Variants in IP6K2 observed in about 807,000 individuals in gnomAD.
IP6K2 encodes the protein inositol hexakisphosphate kinase 2.
Under a neutral mutation model 43.3 loss-of-function variants are expected in IP6K2, and 9 were observed. The ratio of observed to expected loss-of-function variants is 0.21; its 90% CI spans 0.13 to 0.36. The LOEUF is 0.36. Ranked by LOEUF, IP6K2 falls within the 10% of genes least tolerant of loss-of-function variation. IP6K2 has a pLI of 1.00. For synonymous variants in IP6K2, 209 were observed against 202.4 expected (o/e 1.03, Z -0.28); for missense variants, 332 against 538.4 (o/e 0.62, Z 3.79).
intron 2 of IP6K2, chr3:48,693,931 GTC>G: frequency 7.4e-7 from 1 of 1,347,078 alleles, no homozygotes; most frequent in Non-Finnish European, 9.5e-7. Flanking sequence ...AATTAAGACA[GTC>G]TTTGAGGATG....
rs138795713 is a variant in IP6K2, at chr3:48,688,663, C to T, written c.891G>A (p.Arg297=). The change falls in exon 6 of 6, where the codon CGG becomes CGA. Residue 297 remains arginine (R), a synonymous_variant. Coordinates refer to ENST00000328631, the MANE Select transcript of IP6K2 (RefSeq NM_016291.4). The surrounding 1 kb of genome is among the most constrained non-coding windows in gnomAD (Gnocchi z 5.1). ...GGCCCAGGAGTTCACGGCGCAGGTA[C>T]CGCCCATTGTGGAAGAACTGGAAAA... ...EALFQFFHNG[R]YLRRELLGPV... 1.2e-5 allele frequency: 20 copies of T among 1,614,124 alleles called. No homozygotes were observed. The highest frequency in any genetic ancestry group is 1.5e-5 in the Non-Finnish European group (18 of 1,180,052).
intron 1 of IP6K2, among the ~76,000 whole-genome samples, chr3:48,702,900 A>C (rs150585117): frequency 2.0e-5 from 3 of 152,338 alleles, no homozygotes; most frequent in Admixed American, 6.5e-5. Context: ...CTACTGTGTC[A>C]TGAATACCTA....
At chr3:48,710,078 C>T (rs2080305783) in intron 1 of IP6K2, among the ~76,000 whole-genome samples, 1 of 152,162 alleles carries the variant, frequency 6.6e-6, no homozygotes, top group South Asian at 2.1e-4. Flanking sequence ...GCAGTGGATT[C>T]AGTCAATCAA....
At chr3:48,714,486 G>A (rs1307681312) in intron 1 of IP6K2, among the ~76,000 whole-genome samples, 3 of 151,980 alleles carry the variant, frequency 2.0e-5, no homozygotes. Flanking sequence ...TCCACCCCCT[G>A]GGTTCAAACG....
chr3:48,688,483 C>T lies in IP6K2; in HGVS notation c.1071G>A (p.Glu357=). ...CACCAGCAGACTCATCAGCTGATTC[C>T]TCTGACAGGTCCTCCAAATCCTCAG... ...SDAEDLEDLS[E]ESADESAGAY... The change falls in exon 6 of 6, where the codon GAG becomes GAA. Residue 357 remains glutamate, a synonymous_variant. Transcript: ENST00000328631. This position sits in a 1 kb window ranked among gnomAD's most constrained non-coding sequence, Gnocchi z 5.1. The T allele has an allele frequency of 6.2e-7, 1 of 1,614,220 alleles. No individual in the cohort carries two copies. Among genetic ancestry groups the T allele is most frequent in the Non-Finnish European group, 8.5e-7 (1 of 1,180,038 alleles).
intron 1 of IP6K2, among the ~76,000 whole-genome samples, chr3:48,705,782 C>T (rs1351246189): frequency 2.0e-5 from 3 of 150,276 alleles, no homozygotes; most frequent in Non-Finnish European, 4.4e-5. Context: ...GTAGGTGGAT[C>T]GATTGAGCCC....
chr3:48,712,194 G>A (rs2080607529), intron 1 of IP6K2, among the ~76,000 whole-genome samples: 1 of 150,148 alleles, frequency 6.7e-6, no homozygotes, highest in African/African-American at 2.5e-5. Flanking sequence ...AGGAGTTCAA[G>A]ACCAGCCTGG....
Position 48,693,102 on chromosome 3 carries a change from C to G in IP6K2, c.280G>C (p.Gly94Arg). The G allele has an allele frequency of 6.2e-7, 1 of 1,614,244 alleles. No homozygotes were observed. Among genetic ancestry groups the G allele is most frequent in the Non-Finnish European group, 8.5e-7 (1 of 1,180,042 alleles). ...GAATTATCTACAATGTCCACAATTC[C>G]ATGGTCCCCTTTCAATGGATATGCT... ...LIAYPLKGDH[G>R]IVDIVDNSDC... Residue 94 changes from glycine (G) to arginine (R), a missense_variant, in exon 3 of 6, where the codon GGA becomes CGA. Gly to Arg is a moderately radical substitution (Grantham distance 125). Coordinates refer to ENST00000328631, the MANE Select transcript of IP6K2 (RefSeq NM_016291.4).
intron 3 of IP6K2, among the ~76,000 whole-genome samples, chr3:48,691,701 G>A (rs994911948): frequency 3.3e-5 from 5 of 152,048 alleles, no homozygotes; most frequent in African/African-American, 9.7e-5. Context: ...GGGAGGCTGA[G>A]GCAGGAGAAT....
chr3:48,698,318 A>G (rs1384809081), intron 1 of IP6K2, among the ~76,000 whole-genome samples: 1 of 152,212 alleles, frequency 6.6e-6, no homozygotes, highest in African/African-American at 2.4e-5. Flanking sequence ...TGAATTGTTA[A>G]AGCACAAGAT....
intron 5 of IP6K2, 27 bp downstream of exon 5, chr3:48,689,511 C>A: frequency 6.3e-7 from 1 of 1,594,106 alleles, no homozygotes; most frequent in Non-Finnish European, 8.5e-7. Flanking sequence ...CACTGGATGC[C>A]CTAGCCAGCC....
intron 1 of IP6K2, among the ~76,000 whole-genome samples, chr3:48,697,428 C>T (rs80026423): frequency 0.037 from 5,491 of 146,898 alleles, 161 homozygotes; most frequent in Non-Finnish European, 0.062. Context: ...CAGTCTCATG[C>T]GATTCTCCTG....
chr3:48,703,109 T>C (rs780385268), intron 1 of IP6K2, among the ~76,000 whole-genome samples: 1 of 152,178 alleles, frequency 6.6e-6, no homozygotes, highest in African/African-American at 2.4e-5. Flanking sequence ...CTGGGGAGTA[T>C]AAATTAAGGA....
chr3:48,691,579 G>GC, intron 3 of IP6K2, 97 bp from the exon 4 acceptor site: 1 of 805,954 alleles, frequency 1.2e-6, no homozygotes, highest in Non-Finnish European at 2.0e-6. Context: ...ACTTTGGGAG[G>GC]CCGAGATGGG....
chr3:48,704,599 G>T (rs916096859), intron 1 of IP6K2, among the ~76,000 whole-genome samples: 3 of 151,800 alleles, frequency 2.0e-5, no homozygotes, highest in Admixed American at 6.6e-5. Context: ...TTCCCAAGTT[G>T]CTGGGACAGC....
At chr3:48,713,767 G>A (rs1486353195) in intron 1 of IP6K2, among the ~76,000 whole-genome samples, 2 of 151,346 alleles carry the variant, frequency 1.3e-5, no homozygotes, top group African/African-American at 4.9e-5. Context: ...CTCCAGCCTG[G>A]GTGACAGAGT....
chr3:48,696,744 G>A (rs2078398596), intron 1 of IP6K2, among the ~76,000 whole-genome samples: 1 of 152,338 alleles, frequency 6.6e-6, no homozygotes, highest in African/African-American at 2.4e-5. Flanking sequence ...ACTGAGAGAG[G>A]AGTGAGGATG....
chr3:48,689,749 G>C (rs1319001935), intron 4 of IP6K2, 36 bp from the exon 5 acceptor site: 1 of 1,581,562 alleles, frequency 6.3e-7, no homozygotes, highest in Non-Finnish European at 8.7e-7. Flanking sequence ...AAAAGGAAGT[G>C]CTACTGCATG....
chr3:48,709,113 A>G (rs763295066), intron 1 of IP6K2, among the ~76,000 whole-genome samples: 2 of 152,214 alleles, frequency 1.3e-5, no homozygotes, highest in Admixed American at 6.5e-5. Context: ...ACAAGATTAT[A>G]TGTTTCCTGC....
Sources: gnomAD v4.1 joint callset for allele counts (sites outside exome capture counted in the v4.1 genomes callset) on GRCh38, gnomAD v4.1.1 for gene constraint, Gnocchi (gnomAD v3.1) non-coding constraint, MANE v1.5 for transcripts, NCBI Gene and HGNC (gene_info 2026-07-23, HGNC 2026-07-21) for gene names.